Variants in CDNF observed in about 807,000 individuals in gnomAD.
The protein encoded by CDNF is cerebral dopamine neurotrophic factor.
In CDNF, 9 loss-of-function variants were observed where a neutral mutation model predicts 14.8. The ratio of observed to expected loss-of-function variants is 0.61; its 90% CI spans 0.37 to 1.06. The LOEUF is 1.06. Among genes scored for constraint, CDNF ranks in the 50% least tolerant of loss-of-function variants. The pLI is 0.01. For missense variants in CDNF, 228 were observed against 228.4 expected (o/e 1.00, Z 0.01); for synonymous variants, 86 against 87.2 (o/e 0.99, Z 0.07).
At chr10:14,820,222 C>T in intron 3 of CDNF, 64 bp from the exon 4 acceptor site, 2 of 1,509,246 alleles carry the variant, frequency 1.3e-6, no homozygotes, top group East Asian at 2.3e-5. Flanking sequence ...CTATGAATCA[C>T]TTCAAAAGGC....
chr10:14,820,289 C>G, intron 3 of CDNF, 131 bp from the exon 4 acceptor site: 1 of 906,988 alleles, frequency 1.1e-6, no homozygotes, highest in African/African-American at 1.7e-5. Context: ...GGGAAGAATT[C>G]CAGTTTCCAT....
chr10:14,836,294 C>T (rs1372564681), intron 1 of CDNF: 1 of 152,186 alleles, frequency 6.6e-6, no homozygotes, highest in Non-Finnish European at 1.5e-5. Flanking sequence ...AGCTTCTTTA[C>T]CTAACAAATG....
At chr10:14,835,914 C>T (rs558215579) in intron 1 of CDNF, among the ~76,000 whole-genome samples, 2 of 152,334 alleles carry the variant, frequency 1.3e-5, no homozygotes, top group Non-Finnish European at 2.9e-5. Flanking sequence ...GCCAATTCTA[C>T]TATACAGCCA....
rs1833779099 is a variant in CDNF at position 14,826,029 on chromosome 10, G to GAGGAGAAGAAGAAGAAGA, written c.244-410_244-409insTCTTCTTCTTCTTCTCCT. Among the ~76,000 whole-genome samples, 2 of 86,112 alleles carry GAGGAGAAGAAGAAGAAGA rather than the reference G, an allele frequency of 2.3e-5. 1 individual carries two copies. The highest frequency in any genetic ancestry group is 4.3e-5 in the Non-Finnish European group (2 of 46,460). The allele number at this position is 86,112 out of a possible 152,430, so 56.5% of individuals were successfully genotyped here. ...GAAGCAGAAGCAGAAGAAGAAGAAG[G>GAGGAGAAGAAGAAGAAGA]AGAAGAAGAAGAAGAAGAAGAAGAA... On this transcript the variant is annotated intron_variant, in intron 2 of 3. Transcript: ENST00000465530.
At chr10:14,824,418 C>T (rs530844862) in intron 3 of CDNF, among the ~76,000 whole-genome samples, 4 of 151,984 alleles carry the variant, frequency 2.6e-5, no homozygotes, top group Non-Finnish European at 5.9e-5. Flanking sequence ...CCAGCCTGGC[C>T]AACATGGTGA....
chr10:14,828,113 A>G, intron 2 of CDNF, 32 bp downstream of exon 2: 1 of 1,610,720 alleles, frequency 6.2e-7, no homozygotes, highest in Non-Finnish European at 8.5e-7. Flanking sequence ...CTTCAAGCAC[A>G]TGGGGAAAAT....
chr10:14,831,553 C>T (rs927159488), intron 1 of CDNF, among the ~76,000 whole-genome samples: 8 of 147,898 alleles, frequency 5.4e-5, no homozygotes, highest in African/African-American at 1.3e-4. Flanking sequence ...CATATATACA[C>T]ACACACACAC....
Position 14,837,983 on chromosome 10 carries a change from GC to G in CDNF, c.-38del, listed in dbSNP as rs1262009103. ...AGCTTCAATCGCCTCCGCCACCCGC[GC>G]CCACCGCCCACCAAGCTGCCAAAGC... On this transcript the variant is annotated 5_prime_UTR_variant, in exon 1 of 4. Transcript: ENST00000465530. 2.1e-6 allele frequency: 3 copies of G among 1,448,606 alleles called. No individual in the cohort carries two copies. The South Asian group carries it at 3.6e-5, about 17-fold the overall frequency. 89.7% of individuals were successfully genotyped at this position (1,448,606 alleles called of 1,614,324 possible).
At chr10:14,828,718 T>C (rs954781774) in intron 1 of CDNF, among the ~76,000 whole-genome samples, 9 of 145,846 alleles carry the variant, frequency 6.2e-5, no homozygotes, top group African/African-American at 2.0e-4. Flanking sequence ...GTAAGAATGA[T>C]TTGGGGGCCA....
At chr10:14,830,296 T>C (rs1192793193) in intron 1 of CDNF, among the ~76,000 whole-genome samples, 1 of 152,206 alleles carries the variant, frequency 6.6e-6, no homozygotes, top group Non-Finnish European at 1.5e-5. Flanking sequence ...TAGTCCCCTA[T>C]GGGTAGGGAT....
intron 2 of CDNF, among the ~76,000 whole-genome samples, chr10:14,826,197 A>C (rs200156033): frequency 0.13 from 16,755 of 128,750 alleles, 1,389 homozygotes; most frequent in South Asian, 0.24. Flanking sequence ...GAAGCAGCAG[A>C]AGAAGAAGAA....
intron 1 of CDNF, among the ~76,000 whole-genome samples, chr10:14,829,954 T>C (rs1192301180): frequency 6.6e-6 from 1 of 152,110 alleles, no homozygotes; most frequent in Non-Finnish European, 1.5e-5. Context: ...GTTGTTTCTA[T>C]AGGTTCTTGT....
In CDNF at chr10:14,820,251, G is replaced by C. The variant is rs939640464; in HGVS notation, c.386-93C>G. The C allele has an allele frequency of 2.5e-6, 3 of 1,215,456 alleles. No individual in the cohort carries two copies. In the East Asian group the frequency reaches 7.0e-5, roughly 28 times the overall value. The allele number at this position is 1,215,456 out of a possible 1,614,324, so 75.3% of individuals were successfully genotyped here. On this transcript the variant is annotated intron_variant, in intron 3 of 3. Coordinates refer to ENST00000465530, the MANE Select transcript of CDNF (RefSeq NM_001029954.3). ...AAAAGGCATATAGTTTGCTTATCTT[G>C]GTGCTGACTACCCTATGATCCAAGG... is the stretch of plus-strand genomic sequence containing the variant.
rs1353553791 is a variant in CDNF, at chr10:14,826,440, AAGC to A, written c.244-823_244-821del. On this transcript the variant is annotated intron_variant, in intron 2 of 3. Transcript: ENST00000465530. Reference sequence around the variant, plus strand: ...AAGCAGCAGAAGCAGCAGAAGAAAGAAGCAGAAGAAGCAGAAGAAGAAAGAAGC... The same window carrying A: ...AAGCAGCAGAAGCAGCAGAAGAAAGAAGAAGAAGCAGAAGAAGAAAGAAGC... 2.2e-4 allele frequency among the ~76,000 whole-genome samples: 33 copies of A among 150,706 alleles called. No individual in the cohort carries two copies. In the South Asian group the frequency reaches 6.7e-3, roughly 30 times the overall value.
chr10:14,833,185 C>G (rs902583329), intron 1 of CDNF, among the ~76,000 whole-genome samples: 3 of 152,036 alleles, frequency 2.0e-5, no homozygotes, highest in Admixed American at 1.3e-4. Flanking sequence ...ATATGAAGTT[C>G]AAGATGCTTC....
chr10:14,824,328 G>T (rs986697026), intron 3 of CDNF, among the ~76,000 whole-genome samples: 1 of 152,048 alleles, frequency 6.6e-6, no homozygotes, highest in East Asian at 1.9e-4. Flanking sequence ...TCTCCTGGCC[G>T]GGCATGGTGG....
intron 3 of CDNF, among the ~76,000 whole-genome samples, chr10:14,822,331 G>A (rs1833744392): frequency 6.6e-6 from 1 of 152,122 alleles, no homozygotes; most frequent in Non-Finnish European, 1.5e-5. Flanking sequence ...TTGAAAAAAA[G>A]CCCAAAATAC....
intron 3 of CDNF, among the ~76,000 whole-genome samples, chr10:14,823,309 C>T (rs372821758): frequency 1.2e-4 from 18 of 152,194 alleles, no homozygotes; most frequent in African/African-American, 4.1e-4. Flanking sequence ...AGTAAAGGTC[C>T]ACACAAAGAT....
chr10:14,833,854 G>C (rs1320740846), intron 1 of CDNF, among the ~76,000 whole-genome samples: 1 of 152,186 alleles, frequency 6.6e-6, no homozygotes, highest in South Asian at 2.1e-4. Context: ...AGTGAAGTAG[G>C]ATAAGAACAA....
Sources: gnomAD v4.1 joint callset for allele counts (sites outside exome capture counted in the v4.1 genomes callset) on GRCh38, gnomAD v4.1.1 for gene constraint, MANE v1.5 for transcripts, NCBI Gene and HGNC (gene_info 2026-07-23, HGNC 2026-07-21) for gene names.